Variants in ATP5F1C observed in about 807,000 individuals in gnomAD.
ATP5F1C encodes the protein ATP synthase F1 subunit gamma.
ATP5F1C carries 22 observed loss-of-function variants against 37.4 expected under a neutral mutation model. The observed-to-expected ratio is 0.59, with a 90% CI of 0.42 to 0.84. The LOEUF is 0.84. Among genes scored for constraint, ATP5F1C ranks in the 40% least tolerant of loss-of-function variants. ATP5F1C has a pLI of 0.00. For synonymous variants in ATP5F1C, 121 were observed against 128.0 expected (o/e 0.95, Z 0.37); for missense variants, 286 against 362.4 (o/e 0.79, Z 1.71).
chr10:7,800,041 A>G lies in ATP5F1C; in HGVS notation c.587A>G (p.Tyr196Cys), dbSNP rs772457461. ...GTCAATTCTAGGTCTGTCATCTCCTATAAGACAGAAGAAAAGCCCATCTTT... is the reference window on the plus strand; with the variant it reads ...GTCAATTCTAGGTCTGTCATCTCCTGTAAGACAGAAGAAAAGCCCATCTTT... ...IFNKFRSVIS[Y>C]KTEEKPIFSL... The change falls in exon 6 of 10, where the codon TAT becomes TGT. Residue 196 changes from tyrosine (Y) to cysteine (C), a missense_variant. Transcript: ENST00000356708. 15 of 1,613,972 alleles carry G rather than the reference A, an allele frequency of 9.3e-6. No individual in the cohort carries two copies. Among genetic ancestry groups the G allele is most frequent in the Middle Eastern group, 1.7e-4 (1 of 6,046 alleles).
At chr10:7,794,076 T>C (rs1836200947) in intron 1 of ATP5F1C, among the ~76,000 whole-genome samples, 1 of 152,322 alleles carries the variant, frequency 6.6e-6, no homozygotes, top group Admixed American at 6.5e-5. Context: ...GAGATTCTAA[T>C]GGATTTTTAA....
intron 1 of ATP5F1C, among the ~76,000 whole-genome samples, chr10:7,795,719 G>T (rs1836226901): frequency 6.6e-6 from 1 of 152,180 alleles, no homozygotes; most frequent in South Asian, 2.1e-4. Flanking sequence ...TCTGTTACTG[G>T]AAGAGGTTGC....
intron 3 of ATP5F1C, among the ~76,000 whole-genome samples, 162 bp downstream of exon 3, chr10:7,797,340 C>T (rs1298155834): frequency 1.3e-5 from 2 of 152,128 alleles, no homozygotes; most frequent in Non-Finnish European, 2.9e-5. Context: ...GATAACAACC[C>T]GTGTAGGTAG....
chr10:7,799,878 GA>G lies in ATP5F1C; in HGVS notation c.537del (p.Glu179AspfsTer37). On this transcript the variant is annotated frameshift_variant, in exon 5 of 10. Transcript: ENST00000356708. LOFTEE classifies it high-confidence loss of function. Reference protein sequence around the residue: ...IALELLNSGYEFDEGSIIFNK... With the variant: ...IALELLNSGYXFDEGSIIFNK... ...CCTTGAATTACTAAATTCTGGATAT[GA>G]ATTTGATGAAGGCTCCATCATCTTT... 6.2e-7 allele frequency: 1 copy of G among 1,614,124 alleles called. No homozygotes were observed. The highest frequency in any genetic ancestry group is 8.5e-7 in the Non-Finnish European group (1 of 1,180,016).
At position 7,799,894 on chromosome 10, in the gene ATP5F1C, C is replaced by T. The variant is rs772404088; in HGVS notation, c.551C>T (p.Ser184Phe). ...LNSGYEFDEG[S>F]IIFNKFRSVI... ...TCTGGATATGAATTTGATGAAGGCTCCATCATCTTTAATAAATTCAGGCAA... is the reference window on the plus strand; with the variant it reads ...TCTGGATATGAATTTGATGAAGGCTTCATCATCTTTAATAAATTCAGGCAA... Residue 184 changes from serine (S) to phenylalanine (F), a missense_variant, in exon 5 of 10, where the codon TCC becomes TTC. By Grantham distance (155) the Ser-to-Phe change is radical. Transcript: ENST00000356708. 2 of 1,613,788 alleles carry T rather than the reference C, an allele frequency of 1.2e-6. No homozygotes were observed. Among genetic ancestry groups the T allele is most frequent in the East Asian group, 2.2e-5 (1 of 44,878 alleles).
intron 3 of ATP5F1C, 98 bp downstream of exon 3, chr10:7,797,276 A>G (rs1185012535): frequency 2.0e-6 from 3 of 1,463,654 alleles, no homozygotes; most frequent in Non-Finnish European, 2.8e-6. Context: ...TGTCAAGCCT[A>G]TCTGAGCACT....
intron 9 of ATP5F1C, 73 bp from the exon 10 acceptor site, chr10:7,807,586 T>G: frequency 6.7e-7 from 1 of 1,501,362 alleles, no homozygotes. Flanking sequence ...TAAATATGTA[T>G]TATTATCTCT....
intron 3 of ATP5F1C, among the ~76,000 whole-genome samples, chr10:7,797,657 G>T (rs562123857): frequency 6.6e-6 from 1 of 152,150 alleles, no homozygotes; most frequent in Admixed American, 6.5e-5. Context: ...CAGCGGGGGC[G>T]GGTGAGGGGC....
intron 1 of ATP5F1C, among the ~76,000 whole-genome samples, chr10:7,792,948 A>G (rs1247152581): frequency 6.6e-6 from 1 of 152,212 alleles, no homozygotes; most frequent in East Asian, 1.9e-4. Context: ...GCCAGCCATC[A>G]ATGAGAGTTC....
Position 7,798,556 on chromosome 10 carries a change from G to A in ATP5F1C, c.224-434G>A, listed in dbSNP as rs1337618389. Among the ~76,000 whole-genome samples, 8 of 152,156 alleles carry A rather than the reference G, an allele frequency of 5.3e-5. No individual in the cohort carries two copies. The South Asian group carries it at 8.3e-4, about 16-fold the overall frequency. Reference sequence around the variant, plus strand: ...CAAGTAGCTGGGGCTACAGGCGCCCGCCACCACGCCTGGCTAATTTTTTTG... The same window carrying A: ...CAAGTAGCTGGGGCTACAGGCGCCCACCACCACGCCTGGCTAATTTTTTTG... On this transcript the variant is annotated intron_variant, in intron 3 of 9. Coordinates refer to ENST00000356708, the MANE Select transcript of ATP5F1C (RefSeq NM_001001973.3).
At chr10:7,790,335 T>C in intron 1 of ATP5F1C, among the ~76,000 whole-genome samples, 1 of 152,252 alleles carries the variant, frequency 6.6e-6, no homozygotes, top group East Asian at 1.9e-4. Context: ...TCACAGTGGT[T>C]ATTTTAATAG....
At position 7,799,930 on chromosome 10, in the gene ATP5F1C, G is replaced by T. The variant is rs1279296759; in HGVS notation, c.572+15G>T. 2 of 1,607,580 alleles carry T rather than the reference G, an allele frequency of 1.2e-6. No homozygotes were observed. The highest frequency in any genetic ancestry group is 8.5e-7 in the Non-Finnish European group (1 of 1,177,382). ...AATAAATTCAGGCAAGACAGATTTAGAAATCAAAGCTTTTTTATGTTCATG... is the reference window on the plus strand; with the variant it reads ...AATAAATTCAGGCAAGACAGATTTATAAATCAAAGCTTTTTTATGTTCATG... On this transcript the variant is annotated intron_variant, in intron 5 of 9. Transcript: ENST00000356708.
rs1485288870 is a variant in ATP5F1C, at chr10:7,799,006, T to C, written c.240T>C (p.Ala80=). Residue 80 remains alanine, a synonymous_variant, in exon 4 of 10, where the codon GCT becomes GCC. Transcript: ENST00000356708. ...GTTTTTAAGCTCTGTATGAAAAAGC[T>C]GATATCAAGGGGCCTGAAGACAAGA... is the stretch of plus-strand genomic sequence containing the variant. The part of the protein sequence containing the change: ...GLGSLALYEK[A]DIKGPEDKKK... The C allele has an allele frequency of 1.2e-6, 2 of 1,612,106 alleles. No homozygotes were observed. Among genetic ancestry groups the C allele is most frequent in the Non-Finnish European group, 1.7e-6 (2 of 1,179,828 alleles).
At position 7,797,156 on chromosome 10, in the gene ATP5F1C, A is replaced by G. The variant is rs2131063558; in HGVS notation, c.201A>G (p.Arg67=). 1 of 1,614,144 alleles carries G rather than the reference A, an allele frequency of 6.2e-7. No individual in the cohort carries two copies. The highest frequency in any genetic ancestry group is 1.6e-4 in the Middle Eastern group (1 of 6,062). The change falls in exon 3 of 10, where the codon CGA becomes CGG. Residue 67 remains arginine, a synonymous_variant. Transcript: ENST00000356708. ...CTGAGAGAGAGCTGAAACCAGCTCG[A>G]ATATATGGATTGGGATCTTTAGGTA... ...ARAERELKPA[R]IYGLGSLALY... is the part of the protein sequence containing the mutation.
chr10:7,799,221 T>C, intron 4 of ATP5F1C, 27 bp downstream of exon 4: 1 of 1,585,952 alleles, frequency 6.3e-7, no homozygotes, highest in Non-Finnish European at 8.6e-7. Flanking sequence ...TTGTTTATTT[T>C]CATAAAGATG....
At position 7,799,895 on chromosome 10, in the gene ATP5F1C, CATCATCTTTA is replaced by C. The variant is rs1836319852; in HGVS notation, c.555_564del (p.Ile186AsnfsTer27). ...CTGGATATGAATTTGATGAAGGCTC[CATCATCTTTA>C]ATAAATTCAGGCAAGACAGATTTAG... On this transcript the variant is annotated frameshift_variant, in exon 5 of 10. Coordinates refer to ENST00000356708, the MANE Select transcript of ATP5F1C (RefSeq NM_001001973.3). LOFTEE classifies it high-confidence loss of function. The C allele has an allele frequency of 2.5e-6, 4 of 1,613,848 alleles. No homozygotes were observed. The highest frequency in any genetic ancestry group is 3.4e-6 in the Non-Finnish European group (4 of 1,179,934).
chr10:7,802,702 A>G, intron 7 of ATP5F1C, 56 bp from the exon 8 acceptor site: 2 of 1,531,068 alleles, frequency 1.3e-6, no homozygotes, highest in South Asian at 1.2e-5. Flanking sequence ...GTTAGTTAAC[A>G]AGTTATTCTA....
intron 6 of ATP5F1C, among the ~76,000 whole-genome samples, chr10:7,801,000 A>G (rs1836354914): frequency 6.6e-6 from 1 of 152,254 alleles, no homozygotes; most frequent in Non-Finnish European, 1.5e-5. Context: ...TCTAACTACA[A>G]TAAAACAGAA....
Position 7,802,765 on chromosome 10 carries a change from G to T in ATP5F1C, c.801G>T (p.Met267Ile), listed in dbSNP as rs568643200. Residue 267 changes from methionine to isoleucine, a missense_variant, in exon 8 of 10, where the codon ATG becomes ATT. Met to Ile is a conservative substitution (Grantham distance 10). Coordinates refer to ENST00000356708, the MANE Select transcript of ATP5F1C (RefSeq NM_001001973.3). Reference sequence around the variant, plus strand: ...TTTTTGTTTTGTTTGTAGCTGAGATGATTGACAAATTGACATTGACATTCA... The same window carrying T: ...TTTTTGTTTTGTTTGTAGCTGAGATTATTGACAAATTGACATTGACATTCA... ...MDNASKNASEMIDKLTLTFNR... is the reference protein window; with the variant it reads ...MDNASKNASEIIDKLTLTFNR... 4 of 1,613,282 alleles carry T rather than the reference G, an allele frequency of 2.5e-6. No homozygotes were observed. In the South Asian group the frequency reaches 4.4e-5, roughly 18 times the overall value.
Sources: allele counts gnomAD v4.1 joint callset (sites outside exome capture counted in the v4.1 genomes callset), GRCh38; gene constraint gnomAD v4.1.1; transcripts MANE v1.5; gene names NCBI Gene and HGNC (gene_info 2026-07-23, HGNC 2026-07-21).